Variants in RNF38 observed in about 807,000 individuals in gnomAD.
The protein encoded by RNF38 is E3 ubiquitin-protein ligase RNF38.
Under a neutral mutation model 67.2 loss-of-function variants are expected in RNF38, and 15 were observed. The ratio of observed to expected loss-of-function variants is 0.22; its 90% CI spans 0.15 to 0.34. The LOEUF (loss-of-function observed/expected upper bound fraction) is 0.34, where lower values mean the gene tolerates loss of function less well. Ranked by LOEUF, RNF38 falls within the 10% of genes least tolerant of loss-of-function variation. The pLI is 1.00. For synonymous variants in RNF38, 220 were observed against 218.8 expected (o/e 1.01, Z -0.05); for missense variants, 524 against 639.9 (o/e 0.82, Z 1.95).
At chr9:36,426,732 A>C (rs1478699432) in intron 1 of RNF38, among the ~76,000 whole-genome samples, 1 of 152,242 alleles carries the variant, frequency 6.6e-6, no homozygotes. Context: ...AATATATTAC[A>C]GTTCCTCTGG....
In RNF38 at chr9:36,474,707, G is replaced by C. The variant is rs543139782; in HGVS notation, n.241+12601C>G. 2.7e-5 allele frequency among the ~76,000 whole-genome samples: 4 copies of C among 148,240 alleles called. 1 individual carries two copies. The highest frequency in any genetic ancestry group is 2.7e-4 in the Admixed American group (4 of 14,888). On this transcript the variant is annotated intron_variant and non_coding_transcript_variant, in intron 1 of 3. Coordinates refer to the RNF38 transcript ENST00000488058. ...TGAATTAATCCACATAAAATACTTA[G>C]AATAGAACCTTAAATAATAAGCACA...
intron 1 of RNF38, among the ~76,000 whole-genome samples, chr9:36,395,040 T>A (rs925090723): frequency 9.8e-5 from 15 of 152,346 alleles, no homozygotes; most frequent in Non-Finnish European, 1.6e-4. Context: ...TATTTCCATA[T>A]AATCATATGA....
At chr9:36,400,808 G>A (rs2134154489), upstream of RNF38, 4 of 985,380 alleles carry the variant, frequency 4.1e-6, no homozygotes, top group Non-Finnish European at 4.8e-6. Context: ...ACGCCTCGGA[G>A]GCTCCATCCT....
intron 4 of RNF38, among the ~76,000 whole-genome samples, chr9:36,367,914 C>G (rs1371862513): frequency 6.6e-6 from 1 of 152,186 alleles, no homozygotes; most frequent in Non-Finnish European, 1.5e-5. Context: ...TGCAATGGCA[C>G]GAGCTTGGCT....
intron 2 of RNF38, among the ~76,000 whole-genome samples, chr9:36,409,809 T>C (rs963717580): frequency 6.6e-6 from 1 of 152,184 alleles, no homozygotes; most frequent in Non-Finnish European, 1.5e-5. Flanking sequence ...CTACAGGCCC[T>C]CCAGACTTTA....
At chr9:36,417,345 C>A (rs570896282) in intron 2 of RNF38, among the ~76,000 whole-genome samples, 2 of 152,322 alleles carry the variant, frequency 1.3e-5, no homozygotes, top group East Asian at 3.9e-4. Context: ...AGTCTCCACA[C>A]ACTGTTTTGT....
intron 1 of RNF38, among the ~76,000 whole-genome samples, chr9:36,432,937 AAC>A (rs976758987): frequency 2.0e-5 from 3 of 152,244 alleles, no homozygotes; most frequent in African/African-American, 7.2e-5. Context: ...AACTAAACAT[AAC>A]ACACTTATTT....
At chr9:36,362,383 A>C (rs1393080135) in intron 4 of RNF38, among the ~76,000 whole-genome samples, 1 of 151,748 alleles carries the variant, frequency 6.6e-6, no homozygotes, top group African/African-American at 2.4e-5. Context: ...AAGGAGTTTC[A>C]TATTTCTTTT....
intron 6 of RNF38, 84 bp from the exon 7 acceptor site, chr9:36,353,415 CA>C: frequency 9.9e-7 from 1 of 1,012,764 alleles, no homozygotes. Flanking sequence ...ATAATAATCA[CA>C]AATTTAAAAT....
At chr9:36,426,204 T>C (rs1300992110) in intron 1 of RNF38, among the ~76,000 whole-genome samples, 1 of 152,216 alleles carries the variant, frequency 6.6e-6, no homozygotes, top group Non-Finnish European at 1.5e-5. Flanking sequence ...ATTCACATAC[T>C]ACACAATTAT....
Position 36,338,601 on chromosome 9 carries a change from C to T in RNF38, c.*1151G>A, listed in dbSNP as rs1351814721. On this transcript the variant is annotated 3_prime_UTR_variant, in exon 12 of 12. Coordinates refer to ENST00000259605, the MANE Select transcript of RNF38 (RefSeq NM_022781.5). ...TTTCTTAAAACAATTGAGTTGCCCA[C>T]AGGAGCTTGAACACAGAACACATAT... The T allele has an allele frequency of 2.0e-5, 3 of 152,230 alleles. No homozygotes were observed. Among genetic ancestry groups the T allele is most frequent in the Non-Finnish European group, 4.4e-5 (3 of 68,028 alleles). The allele number at this position is 152,230 out of a possible 1,614,324, so 9.4% of individuals were successfully genotyped here.
rs866628481 is a variant in RNF38, at chr9:36,339,526, A to C, written c.*226T>G. The C allele has an allele frequency of 2.1e-6, 1 of 484,624 alleles. No homozygotes were observed. Among genetic ancestry groups the C allele is most frequent in the Middle Eastern group, 5.0e-4 (1 of 2,012 alleles). 30.0% of individuals were successfully genotyped at this position (484,624 alleles called of 1,614,324 possible). A position where few individuals can be genotyped will look rare whatever the true frequency, so the allele number is the denominator to read the frequency against. On this transcript the variant is annotated 3_prime_UTR_variant, in exon 12 of 12. Transcript: ENST00000259605. ...TAGTGCACACACAAAATTAAGCTAA[A>C]GAAAAAGTCTTTGGAGTTCCAATCA...
intron 5 of RNF38, 67 bp downstream of exon 5, chr9:36,357,708 T>G: frequency 7.1e-7 from 1 of 1,413,608 alleles, no homozygotes; most frequent in South Asian, 1.2e-5. Context: ...GTCGGGAAGT[T>G]ACAAAACCAA....
intron 1 of RNF38, among the ~76,000 whole-genome samples, chr9:36,456,326 G>A (rs1839594350): frequency 6.6e-6 from 1 of 152,066 alleles, no homozygotes; most frequent in Non-Finnish European, 1.5e-5. Flanking sequence ...CAAAATGCTG[G>A]GATTACAGGC....
At chr9:36,458,733 T>A (rs1470374838) in intron 1 of RNF38, among the ~76,000 whole-genome samples, 1 of 152,108 alleles carries the variant, frequency 6.6e-6, no homozygotes, top group Non-Finnish European at 1.5e-5. Flanking sequence ...ACCGCGAGGG[T>A]CCGCGGCTTC....
intron 1 of RNF38, among the ~76,000 whole-genome samples, chr9:36,392,083 G>T (rs1205822157): frequency 1.3e-5 from 2 of 152,168 alleles, no homozygotes; most frequent in African/African-American, 4.8e-5. Flanking sequence ...AGATAGTAAG[G>T]AAGCAGCCAG....
In RNF38 at chr9:36,383,960, C is replaced by T. The variant is rs1836403578; in HGVS notation, c.162+6507G>A. ...CCTATCATTGGCTATAACTGCTAGT[C>T]CACCAAAACACAGGAACTATAAATA... is the stretch of plus-strand genomic sequence containing the variant. On this transcript the variant is annotated intron_variant, in intron 2 of 11. Coordinates refer to ENST00000259605, the MANE Select transcript of RNF38 (RefSeq NM_022781.5). Among the ~76,000 whole-genome samples, 3 of 152,074 alleles carry T rather than the reference C, an allele frequency of 2.0e-5. No homozygotes were observed. The South Asian group carries it at 6.2e-4, about 31-fold the overall frequency.
At chr9:36,439,052 A>T (rs892253265) in intron 1 of RNF38, among the ~76,000 whole-genome samples, 4 of 151,124 alleles carry the variant, frequency 2.6e-5, no homozygotes, top group African/African-American at 9.7e-5. Context: ...ATCTATGCAG[A>T]ATAGAGCTAT....
intron 1 of RNF38, among the ~76,000 whole-genome samples, chr9:36,476,055 A>T (rs1329069318): frequency 6.6e-6 from 1 of 152,050 alleles, no homozygotes; most frequent in Non-Finnish European, 1.5e-5. Context: ...AAATGAGGCA[A>T]ATAACCTAGA....
Sources: allele counts gnomAD v4.1 joint callset (sites outside exome capture counted in the v4.1 genomes callset), GRCh38; gene constraint gnomAD v4.1.1; transcripts MANE v1.5; gene names NCBI Gene and HGNC (gene_info 2026-07-23, HGNC 2026-07-21).